SEMA3C: variants seen among roughly 807,000 people sequenced by gnomAD.
SEMA3C encodes semaphorin 3C, also known as semaphorin-3C.
A neutral mutation model predicts 89.4 loss-of-function variants in SEMA3C; 47 were observed. The ratio of observed to expected loss-of-function variants is 0.53; its 90% confidence interval spans 0.42 to 0.67. The LOEUF is 0.67. Among genes scored for constraint, SEMA3C ranks in the 30% least tolerant of loss-of-function variants. The pLI is 0.00. For missense variants in SEMA3C, 839 were observed against 929.1 expected (o/e 0.90, Z 1.26); for synonymous variants, 310 against 320.2 (o/e 0.97, Z 0.34).
intron 2 of SEMA3C, among the ~76,000 whole-genome samples, chr7:80,914,021 C>T (rs914809103): frequency 2.0e-5 from 3 of 152,034 alleles, no homozygotes; most frequent in African/African-American, 7.2e-5. Context: ...GAGAAGAATT[C>T]AAGACAAAAG....
chr7:80,780,360 A>G (rs1334173097), intron 12 of SEMA3C, among the ~76,000 whole-genome samples: 1 of 152,220 alleles, frequency 6.6e-6, no homozygotes, highest in Non-Finnish European at 1.5e-5. Flanking sequence ...TCTTTGTGAT[A>G]TATTACTATG....
intron 2 of SEMA3C, among the ~76,000 whole-genome samples, chr7:80,866,898 GACT>G (rs745833572): frequency 7.2e-5 from 11 of 152,122 alleles, no homozygotes; most frequent in Admixed American, 1.3e-4. Flanking sequence ...CATATTTTCT[GACT>G]ACATGTGCGT....
At chr7:80,833,534 A>C (rs1191529077) in intron 2 of SEMA3C, among the ~76,000 whole-genome samples, 4 of 152,106 alleles carry the variant, frequency 2.6e-5, no homozygotes, top group Non-Finnish European at 4.4e-5. Context: ...GCAGGGAGCA[A>C]TAGCTACATC....
intron 4 of SEMA3C, among the ~76,000 whole-genome samples, chr7:80,819,914 A>G (rs1419774309): frequency 6.6e-6 from 1 of 152,188 alleles, no homozygotes; most frequent in Non-Finnish European, 1.5e-5. Context: ...CTCAAAGAAC[A>G]TTAATAAAAT....
chr7:80,744,584 T>C lies in SEMA3C; in HGVS notation c.*310A>G, dbSNP rs960843194. 2.7e-5 allele frequency: 10 copies of C among 369,434 alleles called. No individual in the cohort carries two copies. The Admixed American group carries it at 3.2e-4, about 12-fold the overall frequency. 22.9% of individuals were successfully genotyped at this position (369,434 alleles called of 1,614,324 possible). ...CCACAGGGATATGGCCCTCATTCAA[T>C]TGAGGGATGCAACAATTCTAGTTTT... On this transcript the variant is annotated 3_prime_UTR_variant, in exon 18 of 18. Coordinates refer to ENST00000265361, the MANE Select transcript of SEMA3C (RefSeq NM_006379.5).
At chr7:80,871,507 C>T (rs1791057508) in intron 2 of SEMA3C, among the ~76,000 whole-genome samples, 1 of 152,174 alleles carries the variant, frequency 6.6e-6, no homozygotes, top group South Asian at 2.1e-4. Flanking sequence ...ACCTACTGTG[C>T]TTCAGACACT....
chr7:80,853,491 T>C (rs1375330319), intron 2 of SEMA3C, among the ~76,000 whole-genome samples: 1 of 152,202 alleles, frequency 6.6e-6, no homozygotes, highest in Non-Finnish European at 1.5e-5. Context: ...GGGAAGATAT[T>C]ATGTCAACTT....
At chr7:80,787,026 T>C (rs1332379627) in intron 12 of SEMA3C, among the ~76,000 whole-genome samples, 1 of 152,060 alleles carries the variant, frequency 6.6e-6, no homozygotes, top group African/African-American at 2.4e-5. Context: ...CAATATACAT[T>C]TGGGATTTGT....
chr7:80,886,183 AT>A (rs1791470411), intron 2 of SEMA3C, among the ~76,000 whole-genome samples: 1 of 152,020 alleles, frequency 6.6e-6, no homozygotes, highest in South Asian at 2.1e-4. Context: ...AATTTATATT[AT>A]TGCACATATC....
chr7:80,870,183 C>T lies in SEMA3C; in HGVS notation c.104-41438G>A, dbSNP rs191706146. On this transcript the variant is annotated intron_variant, in intron 2 of 17. Transcript: ENST00000265361. The stretch of plus-strand genomic sequence containing the variant: ...CATTATGCAAACAGATTACCCAGGG[C>T]CTTCTTTCCCCTATCTGCAATTACC... 5.9e-5 allele frequency among the ~76,000 whole-genome samples: 9 copies of T among 152,248 alleles called. No homozygotes were observed. In the East Asian group the frequency reaches 1.7e-3, roughly 30 times the overall value.
At chr7:80,825,171 T>C (rs1789841893) in intron 4 of SEMA3C, among the ~76,000 whole-genome samples, 1 of 152,216 alleles carries the variant, frequency 6.6e-6, no homozygotes, top group African/African-American at 2.4e-5. Flanking sequence ...ATTATTTTTC[T>C]GCTACAGGAC....
rs757593101 is a variant in SEMA3C at position 80,789,196 on chromosome 7, C to T, written c.1354+110G>A. The T allele has an allele frequency of 6.5e-5, 53 of 816,012 alleles. 1 individual carries two copies. The highest frequency in any genetic ancestry group is 9.0e-5 in the Non-Finnish European group (46 of 509,334). 50.5% of individuals were successfully genotyped at this position (816,012 alleles called of 1,614,324 possible). On this transcript the variant is annotated intron_variant, in intron 12 of 17. Transcript: ENST00000265361. ...AATATCTCACTAAGGGCTAGACAGA[C>T]GTAATTATTGGAGTTTTTCTAGTTT...
intron 2 of SEMA3C, among the ~76,000 whole-genome samples, chr7:80,898,709 T>C (rs1791800120): frequency 6.6e-6 from 1 of 151,714 alleles, no homozygotes; most frequent in Admixed American, 6.6e-5. Flanking sequence ...TGCATAAAGG[T>C]AGGATAGGTT....
At position 80,805,639 on chromosome 7, in the gene SEMA3C, C is replaced by A; in HGVS notation, c.658G>T (p.Glu220Ter). ...ATAAATGCATCAAATGCTTTCTTAC[C>A]ACTTAGCCATTTGGAATTATGTTGA... is the stretch of plus-strand genomic sequence containing the variant. The part of the protein sequence containing the change: ...TDQHNSKWLS[E>*]PMFVDAHVIP... The change falls in exon 7 of 18, where the codon GAA becomes TAA. Residue 220 changes from glutamate (E) to a stop codon, truncating the protein, a stop_gained and splice_region_variant. Transcript: ENST00000265361. LOFTEE classifies it high-confidence loss of function. 1 of 1,594,892 alleles carries A rather than the reference C, an allele frequency of 6.3e-7. No homozygotes were observed. The highest frequency in any genetic ancestry group is 8.5e-7 in the Non-Finnish European group (1 of 1,171,804).
intron 14 of SEMA3C, among the ~76,000 whole-genome samples, chr7:80,760,291 A>T (rs1470348732): frequency 6.6e-6 from 1 of 152,220 alleles, no homozygotes; most frequent in Non-Finnish European, 1.5e-5. Flanking sequence ...TAAAACTTGC[A>T]TACAGGATTA....
intron 15 of SEMA3C, among the ~76,000 whole-genome samples, chr7:80,754,960 T>TTTTTTTTG (rs1307611102): frequency 7.0e-5 from 9 of 127,984 alleles, no homozygotes; most frequent in East Asian, 2.2e-4. Context: ...TTTTTTTGTT[T>TTTTTTTTG]TTTTTTTTTT....
intron 12 of SEMA3C, among the ~76,000 whole-genome samples, chr7:80,789,104 C>T (rs770498018): frequency 6.6e-6 from 1 of 152,006 alleles, no homozygotes; most frequent in African/African-American, 2.4e-5. Flanking sequence ...ATATTCCTCA[C>T]AAGAACTCTA....
At chr7:80,919,465 G>T (rs1318396097), upstream of SEMA3C, 2 of 829,558 alleles carry the variant, frequency 2.4e-6, no homozygotes, top group South Asian at 5.5e-5. Context: ...AGCAGTTGTG[G>T]TTTTTTATTT....
At chr7:80,772,095 C>T (rs1267741891) in intron 12 of SEMA3C, among the ~76,000 whole-genome samples, 1 of 152,064 alleles carries the variant, frequency 6.6e-6, no homozygotes, top group Non-Finnish European at 1.5e-5. Flanking sequence ...GAAAGAACTG[C>T]AAAATATTTG....
Sources: gnomAD v4.1 joint callset for allele counts (sites outside exome capture counted in the v4.1 genomes callset) on GRCh38, gnomAD v4.1.1 for gene constraint, MANE v1.5 for transcripts, NCBI Gene and HGNC (gene_info 2026-07-23, HGNC 2026-07-21) for gene names.